Variants in KAT6A observed in about 807,000 individuals in gnomAD.
The protein encoded by KAT6A is histone acetyltransferase KAT6A.
Under a neutral mutation model 198.4 loss-of-function variants are expected in KAT6A, and 9 were observed. The observed-to-expected ratio is 0.05, with a 90% confidence interval of 0.03 to 0.08. The LOEUF (loss-of-function observed/expected upper bound fraction) is 0.08, where lower values mean the gene tolerates loss of function less well. KAT6A is among the 10% of genes least tolerant of loss of function. The pLI is 1.00. For missense variants in KAT6A, 2,077 were observed against 2,509.9 expected, an observed-to-expected ratio of 0.83 and a Z score of 3.69; for synonymous variants, 890 against 883.0, an observed-to-expected ratio of 1.01 and a Z score of -0.14.
chr8:41,943,953 G>T lies in KAT6A; in HGVS notation c.2023C>A (p.Gln675Lys). 1 of 1,613,734 alleles carries T rather than the reference G, an allele frequency of 6.2e-7. No individual in the cohort carries two copies. Among genetic ancestry groups the T allele is most frequent in the Middle Eastern group, 1.6e-4 (1 of 6,062 alleles). The stretch of plus-strand genomic sequence containing the variant: ...AACGGTTTCTCTGGAGACCCTGCTT[G>T]GCCTTCACGCTTTGATAACAAATAA... Reference protein sequence around the residue: ...FSYLLSKREGQAGSPEKPLSD... With the variant: ...FSYLLSKREGKAGSPEKPLSD... The change falls in exon 13 of 17, where the codon CAA (glutamine) becomes AAA (lysine). Residue 675 changes from glutamine (Q) to lysine (K), a missense_variant. By Grantham distance (53) the Gln-to-Lys change is moderately conservative. Around this residue, in one of 13 missense-constraint regions of KAT6A, gnomAD observed 127 missense variants for 209.6 expected, o/e 0.61. Transcript: ENST00000265713.
chr8:41,980,650 C>T lies in KAT6A; in HGVS notation c.907+196G>A, dbSNP rs544247422. 8.5e-5 allele frequency among the ~76,000 whole-genome samples: 13 copies of T among 152,190 alleles called. No homozygotes were observed. The South Asian group carries it at 2.5e-3, about 29-fold the overall frequency. ...TAGATATTGAAAATAACAATAAATCCGTATCATGTAAGAATGTTAAGATGC... is the reference window on the plus strand; with the variant it reads ...TAGATATTGAAAATAACAATAAATCTGTATCATGTAAGAATGTTAAGATGC... On this transcript the variant is annotated intron_variant, in intron 5 of 16. Transcript: ENST00000265713.
intron 6 of KAT6A, among the ~76,000 whole-genome samples, chr8:41,977,885 T>C (rs1253188447): frequency 3.3e-5 from 5 of 152,204 alleles, no homozygotes; most frequent in Non-Finnish European, 5.9e-5. Context: ...CTAATGCCCA[T>C]TCATTTCAGT....
rs201565122 is a variant in KAT6A, at chr8:41,937,232, G to T, written c.3352+24C>A. Reference sequence around the variant, plus strand: ...ATATATCTGAAGACAATAAACCACAGTAAGTGAGTTCTGTAAAACATACCA... The same window carrying T: ...ATATATCTGAAGACAATAAACCACATTAAGTGAGTTCTGTAAAACATACCA... On this transcript the variant is annotated intron_variant, in intron 16 of 16. Coordinates refer to ENST00000265713, the MANE Select transcript of KAT6A (RefSeq NM_006766.5). 4.4e-6 allele frequency: 7 copies of T among 1,575,266 alleles called. No individual in the cohort carries two copies. In the Admixed American group the frequency reaches 1.0e-4, roughly 23 times the overall value.
chr8:41,960,816 T>C (rs1307444341), intron 8 of KAT6A, among the ~76,000 whole-genome samples: 2 of 152,164 alleles, frequency 1.3e-5, no homozygotes, highest in Non-Finnish European at 2.9e-5. Context: ...CACACCCTCC[T>C]TTCTCTCTAC....
At chr8:41,959,697 G>A (rs902620933) in intron 8 of KAT6A, among the ~76,000 whole-genome samples, 1 of 152,202 alleles carries the variant, frequency 6.6e-6, no homozygotes, top group Non-Finnish European at 1.5e-5. Flanking sequence ...GGTGGCTCAC[G>A]CCTGTAATCC....
intron 4 of KAT6A, 51 bp downstream of exon 4, chr8:41,981,788 T>C: frequency 9.0e-7 from 1 of 1,107,038 alleles, no homozygotes. Context: ...ATGCTGGTCG[T>C]ACATTCTACT....
chr8:42,005,858 T>C (rs1359167343), intron 2 of KAT6A, among the ~76,000 whole-genome samples: 1 of 151,670 alleles, frequency 6.6e-6, no homozygotes, highest in Non-Finnish European at 1.5e-5. Context: ...AAAAGGGAAC[T>C]GCCTTTGAAA....
chr8:42,050,978 T>C (rs1472057655), intron 1 of KAT6A, among the ~76,000 whole-genome samples: 1 of 152,118 alleles, frequency 6.6e-6, no homozygotes, highest in Admixed American at 6.5e-5. Context: ...AAACACGTCT[T>C]CGCGCTCTCT....
chr8:41,965,716 T>G (rs1440961278), intron 8 of KAT6A, among the ~76,000 whole-genome samples: 1 of 152,188 alleles, frequency 6.6e-6, no homozygotes, highest in African/African-American at 2.4e-5. Flanking sequence ...GAACATCTGT[T>G]GGGCAATGGT....
At position 41,941,127 on chromosome 8, in the gene KAT6A, T is replaced by C. The variant is rs374734206; in HGVS notation, c.2754A>G (p.Glu918=). Residue 918 remains glutamate (E), a synonymous_variant, in exon 15 of 17, where the codon GAA becomes GAG. Coordinates refer to ENST00000265713, the MANE Select transcript of KAT6A (RefSeq NM_006766.5). ...GCTGCTCCTCAGAAGCCACCAGCTG[T>C]TCTTCACTTTCAGTGTATTGTTCCT... ...ATQEQYTESE[E]QLVASEEQPS... is the part of the protein sequence containing the mutation. 2 of 1,614,110 alleles carry C rather than the reference T, an allele frequency of 1.2e-6. No individual in the cohort carries two copies. The highest frequency in any genetic ancestry group is 1.7e-6 in the Non-Finnish European group (2 of 1,180,032).
At chr8:42,020,908 C>T (rs1188352110) in intron 2 of KAT6A, among the ~76,000 whole-genome samples, 13 of 152,108 alleles carry the variant, frequency 8.5e-5, no homozygotes, top group Admixed American at 8.5e-4. Context: ...AGCTCTGTAA[C>T]TTGATCCTTA....
Position 41,929,618 on chromosome 8 carries a change from GGA to G in KAT6A, c.*2585_*2586del, listed in dbSNP as rs1179357231. The G allele has an allele frequency of 5.2e-6, 1 of 193,816 alleles. No homozygotes were observed. Among genetic ancestry groups the G allele is most frequent in the Admixed American group, 6.1e-5 (1 of 16,348 alleles). 12.0% of individuals were successfully genotyped at this position (193,816 alleles called of 1,614,324 possible). A position where few individuals can be genotyped will look rare whatever the true frequency, so the allele number is the denominator to read the frequency against. ...CGGCTGGCCCAGGAGCGCGTGACATGGAGAGATACAAAGGCATCTAGGCACCC... is the reference window on the plus strand; with the variant it reads ...CGGCTGGCCCAGGAGCGCGTGACATGGAGATACAAAGGCATCTAGGCACCC... On this transcript the variant is annotated 3_prime_UTR_variant, in exon 17 of 17. Coordinates refer to ENST00000265713, the MANE Select transcript of KAT6A (RefSeq NM_006766.5).
At chr8:42,011,462 G>T (rs2150908844) in intron 2 of KAT6A, among the ~76,000 whole-genome samples, 1 of 152,308 alleles carries the variant, frequency 6.6e-6, no homozygotes, top group South Asian at 2.1e-4. Context: ...CTTCGGCCGG[G>T]TGCGGTGACT....
At chr8:41,948,899 A>ACC (rs1372851083) in intron 10 of KAT6A, among the ~76,000 whole-genome samples, 1 of 128,668 alleles carries the variant, frequency 7.8e-6, no homozygotes, top group Admixed American at 7.5e-5. Context: ...AGCAGAGGTC[A>ACC]CACATCATCA....
chr8:41,966,884 T>C (rs1323695236), intron 8 of KAT6A, among the ~76,000 whole-genome samples: 1 of 152,150 alleles, frequency 6.6e-6, no homozygotes, highest in African/African-American at 2.4e-5. Context: ...TGGCCTAAGT[T>C]TTAATTTCGG....
chr8:42,043,303 T>C (rs1350293407), intron 2 of KAT6A, among the ~76,000 whole-genome samples: 2 of 152,322 alleles, frequency 1.3e-5, no homozygotes, highest in Non-Finnish European at 2.9e-5. Context: ...TTAAGCCAGT[T>C]ACACACTCTT....
intron 8 of KAT6A, 82 bp downstream of exon 8, chr8:41,974,622 C>T: frequency 6.0e-6 from 5 of 827,704 alleles, no homozygotes; most frequent in Non-Finnish European, 1.0e-5. Flanking sequence ...GCTGTTACTG[C>T]TTAACCCACA....
At chr8:41,958,692 C>T (rs989767936) in intron 8 of KAT6A, among the ~76,000 whole-genome samples, 6 of 151,990 alleles carry the variant, frequency 3.9e-5, no homozygotes, top group African/African-American at 1.5e-4. Context: ...TGTGTATAGC[C>T]CTAGTAGGAT....
chr8:42,010,286 C>T (rs1564063304), intron 2 of KAT6A, among the ~76,000 whole-genome samples: 1 of 152,268 alleles, frequency 6.6e-6, no homozygotes, highest in East Asian at 1.9e-4. Context: ...GCCTGGGTGA[C>T]TGGTATTGTC....
Sources: gnomAD v4.1 joint callset for allele counts (sites outside exome capture counted in the v4.1 genomes callset) on GRCh38, gnomAD v4.1.1 for gene constraint, gnomAD v4.1.1 regional missense constraint, MANE v1.5 for transcripts, NCBI Gene and HGNC (gene_info 2026-07-23, HGNC 2026-07-21) for gene names.